The following SMTN variants were observed in gnomAD, a reference collection of about 807,000 sequenced individuals.
The protein encoded by SMTN is smoothelin.
A neutral mutation model predicts 102.0 loss-of-function variants in SMTN; 58 were observed. That is an observed-to-expected ratio of 0.57 (90% CI 0.46 to 0.71). The LOEUF is 0.71. SMTN is among the 30% of genes least tolerant of loss of function. The pLI is 0.00. For missense variants in SMTN, 1,185 were observed against 1,241.7 expected (o/e 0.95, Z 0.69); for synonymous variants, 478 against 497.9 (o/e 0.96, Z 0.53).
At chr22:31,096,519 T>G in intron 13 of SMTN, 1 of 475,746 alleles carries the variant, frequency 2.1e-6, no homozygotes, top group Non-Finnish European at 3.7e-6. Flanking sequence ...AGTTTCTGCC[T>G]GAGTCCATCA....
rs766740205 is a variant in SMTN, at chr22:31,088,085, C to G, written c.172C>G (p.Arg58Gly). 1 of 1,606,926 alleles carries G rather than the reference C, an allele frequency of 6.2e-7. No individual in the cohort carries two copies. Among genetic ancestry groups the G allele is most frequent in the Non-Finnish European group, 8.5e-7 (1 of 1,175,364 alleles). Residue 58 changes from arginine to glycine, a missense_variant, in exon 3 of 21, where the codon CGG becomes GGG. Arg to Gly is a moderately radical substitution (Grantham distance 125). Coordinates refer to ENST00000333137, the MANE Select transcript of SMTN (RefSeq NM_134269.3). ...GGCATCCAAGCGTTTCCGTGCCGAG[C>G]GGCAGGACAACAAGGAGAACTGGCT... ...ALASKRFRAE[R>G]QDNKENWLHS... is the part of the protein sequence containing the mutation.
In SMTN at chr22:31,088,952, A is replaced by G. The variant is rs201165543; in HGVS notation, c.454A>G (p.Arg152Gly). 95 of 1,613,428 alleles carry G rather than the reference A, an allele frequency of 5.9e-5. No individual in the cohort carries two copies. The highest frequency in any genetic ancestry group is 3.3e-4 in the Middle Eastern group (2 of 6,076). ...REDSKGLAAH[R>G]LEQCEVPERE... ...GGACAGCAAGGGGCTAGCGGCACACAGGCTGGAACAGTGTGAGGTAAGGAG... is the reference window on the plus strand; with the variant it reads ...GGACAGCAAGGGGCTAGCGGCACACGGGCTGGAACAGTGTGAGGTAAGGAG... Residue 152 changes from arginine (R) to glycine (G), a missense_variant, in exon 6 of 21, where the codon AGG becomes GGG. Coordinates refer to ENST00000333137, the MANE Select transcript of SMTN (RefSeq NM_134269.3).
intron 1 of SMTN, among the ~76,000 whole-genome samples, chr22:31,070,699 G>GCA (rs2041976227): frequency 6.6e-6 from 1 of 151,306 alleles, no homozygotes; most frequent in Non-Finnish European, 1.5e-5. Flanking sequence ...CCAGGTGGGT[G>GCA]GATCACTTGA....
chr22:31,081,331 G>T lies in SMTN; in HGVS notation c.-206G>T, dbSNP rs1173378326. ...GGGCAGCTCTCCGCAGAATCCAGGG[G>T]ACGGTTGCTGAGCGGGCCTGGGACA... On this transcript the variant is annotated 5_prime_UTR_variant, in exon 1 of 21. Coordinates refer to ENST00000333137, the MANE Select transcript of SMTN (RefSeq NM_134269.3). 1.3e-5 allele frequency: 2 copies of T among 152,266 alleles called. No homozygotes were observed. Among genetic ancestry groups the T allele is most frequent in the African/African-American group, 4.8e-5 (2 of 41,454 alleles). 9.4% of individuals were successfully genotyped at this position (152,266 alleles called of 1,614,324 possible).
At chr22:31,077,236 T>G (rs1478583901), upstream of SMTN, among the ~76,000 whole-genome samples, 2 of 152,020 alleles carry the variant, frequency 1.3e-5, no homozygotes. Flanking sequence ...AGGGAGACCC[T>G]TGTCTCTACA....
chr22:31,094,665 T>G (rs4820038), intron 11 of SMTN, among the ~76,000 whole-genome samples: 378 of 11,594 alleles, frequency 0.033, 1 homozygote, highest in African/African-American at 0.16. Context: ...TCCCCTTCTG[T>G]TTTTTTTTTT....
chr22:31,094,313 C>T (rs895404848), intron 11 of SMTN, among the ~76,000 whole-genome samples: 9 of 152,096 alleles, frequency 5.9e-5, no homozygotes, highest in Non-Finnish European at 8.8e-5. Flanking sequence ...CCAGCAGGGG[C>T]GAGGCAGGGG....
rs1019338175 is a variant in SMTN, at chr22:31,088,326, G to A, written c.201-187G>A. 4.9e-5 allele frequency: 37 copies of A among 754,236 alleles called. 2 individuals carry two copies. Among genetic ancestry groups the A allele is most frequent in the South Asian group, 4.2e-4 (24 of 56,712 alleles). 46.7% of individuals were successfully genotyped at this position (754,236 alleles called of 1,614,324 possible). A position where few individuals can be genotyped will look rare whatever the true frequency, so the allele number is the denominator to read the frequency against. ...GCGGCCGTGCTGATGTAGCCAGCAC[G>A]TCTGAGTGTGTGGTATTAGTGCCCA... On this transcript the variant is annotated intron_variant, in intron 3 of 20. Transcript: ENST00000333137.
intron 2 of SMTN, 67 bp downstream of exon 2, chr22:31,083,376 G>A (rs2042441563): frequency 2.0e-6 from 3 of 1,463,630 alleles, no homozygotes; most frequent in Middle Eastern, 2.5e-4. Flanking sequence ...TCAATCCAGG[G>A]TACCTCTCAG....
In SMTN at chr22:31,099,891, T is replaced by C; in HGVS notation, c.2598T>C (p.Ser866=). 2 of 1,613,948 alleles carry C rather than the reference T, an allele frequency of 1.2e-6. No homozygotes were observed. Among genetic ancestry groups the C allele is most frequent in the Non-Finnish European group, 1.7e-6 (2 of 1,179,874 alleles). The change falls in exon 19 of 21, where the codon TCT becomes TCC. Residue 866 remains serine (S), a synonymous_variant. Transcript: ENST00000333137. Reference sequence around the variant, plus strand: ...AGAACTTCGAGGTGGCCTTCTCATCTGCGGAGTAAGTGTGGGCCCTGGCCC... The same window carrying C: ...AGAACTTCGAGGTGGCCTTCTCATCCGCGGAGTAAGTGTGGGCCCTGGCCC... The part of the protein sequence containing the change: ...RRQNFEVAFS[S]AETHADCPQL...
chr22:31,084,862 T>G, intron 2 of SMTN: 1 of 897,932 alleles, frequency 1.1e-6, no homozygotes, highest in Non-Finnish European at 1.5e-6. Context: ...GCGCCCGCCA[T>G]TACTGCGCCC....
Position 31,096,916 on chromosome 22 carries a change from C to T in SMTN, c.2026+19C>T, listed in dbSNP as rs763465655. On this transcript the variant is annotated intron_variant, in intron 14 of 20. Transcript: ENST00000333137. ...CACTCCAGTAAGGGGCCAAATGGGG[C>T]CGGCCCAGGGCTCAGGGTGGGAACA... 1 of 1,606,208 alleles carries T rather than the reference C, an allele frequency of 6.2e-7. No individual in the cohort carries two copies. The highest frequency in any genetic ancestry group is 8.5e-7 in the Non-Finnish European group (1 of 1,175,228).
intron 17 of SMTN, 69 bp from the exon 18 acceptor site, chr22:31,098,993 C>A: frequency 6.5e-7 from 1 of 1,539,928 alleles, no homozygotes; most frequent in African/African-American, 1.4e-5. Flanking sequence ...GGCCTGGGAT[C>A]CACTGGGTGG....
chr22:31,091,812 GC>G lies in SMTN; in HGVS notation c.1605del (p.Ser536ValfsTer33), dbSNP rs758895137. 40 of 1,594,594 alleles carry G rather than the reference GC, an allele frequency of 2.5e-5. No individual in the cohort carries two copies. Among genetic ancestry groups the G allele is most frequent in the South Asian group, 7.9e-5 (7 of 88,658 alleles). ...CACTCATGTCACCAGCTTCAGCCAT[GC>G]CCCCCCCAGTAGCCGAGGAGGCTGC... ...SVTHVTSFSH[A>X]PPSSRGGCSI... On this transcript the variant is annotated frameshift_variant, in exon 11 of 21. Coordinates refer to ENST00000333137, the MANE Select transcript of SMTN (RefSeq NM_134269.3). LOFTEE classifies it high-confidence loss of function.
In SMTN at chr22:31,089,246, A is replaced by C. The variant is rs531451604; in HGVS notation, c.471+277A>C. On this transcript the variant is annotated intron_variant, in intron 6 of 20. Coordinates refer to ENST00000333137, the MANE Select transcript of SMTN (RefSeq NM_134269.3). Reference sequence around the variant, plus strand: ...GCATGTCAGACCCCAGCTGGCTCACAGTTCACTCTATTTTCCAGAGTGTGG... The same window carrying C: ...GCATGTCAGACCCCAGCTGGCTCACCGTTCACTCTATTTTCCAGAGTGTGG... Among the ~76,000 whole-genome samples the C allele has an allele frequency of 2.0e-5, 3 of 152,290 alleles. No homozygotes were observed. The South Asian group carries it at 6.2e-4, about 32-fold the overall frequency.
In SMTN at chr22:31,091,447, G is replaced by A. The variant is rs1206967475; in HGVS notation, c.1424G>A (p.Gly475Asp). Reference sequence around the variant, plus strand: ...GACGGCCGTGGCCAGGCCTCCACAGGCCGGGTGCTGCTGCCCACAGGCAAC... The same window carrying A: ...GACGGCCGTGGCCAGGCCTCCACAGACCGGGTGCTGCTGCCCACAGGCAAC... Reference protein sequence around the residue: ...IKDGRGQASTGRVLLPTGNQR... With the variant: ...IKDGRGQASTDRVLLPTGNQR... Residue 475 changes from glycine (G) to aspartate (D), a missense_variant, in exon 10 of 21, where the codon GGC becomes GAC. Gly to Asp is a moderately conservative substitution (Grantham distance 94). Coordinates refer to ENST00000333137, the MANE Select transcript of SMTN (RefSeq NM_134269.3). 3 of 1,529,800 alleles carry A rather than the reference G, an allele frequency of 2.0e-6. No homozygotes were observed. Among genetic ancestry groups the A allele is most frequent in the African/African-American group, 2.8e-5 (2 of 72,302 alleles). 94.8% of individuals were successfully genotyped at this position (1,529,800 alleles called of 1,614,324 possible).
upstream of SMTN, among the ~76,000 whole-genome samples, chr22:31,077,960 C>T (rs2042170224): frequency 6.6e-6 from 1 of 152,216 alleles, no homozygotes; most frequent in Non-Finnish European, 1.5e-5. Flanking sequence ...TCCAGCCAAC[C>T]CCAACAAGAA....
At chr22:31,097,642 T>G (rs1170374419) in intron 16 of SMTN, among the ~76,000 whole-genome samples, 1 of 151,730 alleles carries the variant, frequency 6.6e-6, no homozygotes, top group Non-Finnish European at 1.5e-5. Flanking sequence ...AGGCGGAGGT[T>G]GCAGTGAGCT....
intron 20 of SMTN, chr22:31,101,335 C>A (rs559278032): frequency 5.4e-6 from 2 of 369,512 alleles, no homozygotes; most frequent in South Asian, 9.0e-5. Context: ...GCAAACTAAG[C>A]TGGGATCTGA....
Sources: allele counts gnomAD v4.1 joint callset (sites outside exome capture counted in the v4.1 genomes callset), GRCh38; gene constraint gnomAD v4.1.1; transcripts MANE v1.5; gene names NCBI Gene and HGNC (gene_info 2026-07-23, HGNC 2026-07-21).